The following SUMF1 variants were observed in gnomAD, a reference collection of about 807,000 sequenced individuals.
The protein encoded by SUMF1 is sulfatase modifying factor 1.
SUMF1 carries 48 observed loss-of-function variants against 47.6 expected under a neutral mutation model. The observed-to-expected ratio is 1.01, with a 90% CI of 0.80 to 1.28. The LOEUF is 1.28. SUMF1 is among the 50% of genes most tolerant of loss of function. The pLI is 0.00. For missense variants in SUMF1, 571 were observed against 485.4 expected, an observed-to-expected ratio of 1.18 and a Z score of -1.66; for synonymous variants, 230 against 192.1, an observed-to-expected ratio of 1.20 and a Z score of -1.63.
At chr3:4,320,286 A>G (rs113707771) in intron 8 of SUMF1, among the ~76,000 whole-genome samples, 1,662 of 152,330 alleles carry the variant, frequency 0.011, 20 homozygotes, top group African/African-American at 0.037. Flanking sequence ...GAAATTACTG[A>G]AGTTTGTAAG....
At chr3:4,204,422 C>A (rs1695607303) in intron 8 of SUMF1, among the ~76,000 whole-genome samples, 2 of 152,050 alleles carry the variant, frequency 1.3e-5, no homozygotes, top group Admixed American at 6.5e-5. Flanking sequence ...TATTCTTAAC[C>A]TTTGGGAGTT....
intron 8 of SUMF1, among the ~76,000 whole-genome samples, chr3:4,174,557 A>G (rs138679231): frequency 5.3e-5 from 1 of 18,784 alleles, no homozygotes; most frequent in Admixed American, 5.3e-4. Context: ...ACACACACAC[A>G]TGGGGGGCGT....
At chr3:4,310,776 A>G (rs369754817) in intron 8 of SUMF1, among the ~76,000 whole-genome samples, 19 of 149,670 alleles carry the variant, frequency 1.3e-4, no homozygotes, top group African/African-American at 4.6e-4. Flanking sequence ...TATCCATGTC[A>G]AAAAAAAAAC....
chr3:4,452,765 G>T, intron 2 of SUMF1, 111 bp downstream of exon 2: 2 of 1,280,402 alleles, frequency 1.6e-6, no homozygotes, highest in Non-Finnish European at 2.3e-6. Context: ...GCTTCACACA[G>T]TTCTGCCACA....
At position 4,103,965 on chromosome 3, in the gene SUMF1, C is replaced by T. The variant is rs920828820; in HGVS notation, c.1015-35220G>A. Among the ~76,000 whole-genome samples, 4 of 152,054 alleles carry T rather than the reference C, an allele frequency of 2.6e-5. No homozygotes were observed. In the East Asian group the frequency reaches 7.7e-4, roughly 29 times the overall value. On this transcript the variant is annotated intron_variant and NMD_transcript_variant, in intron 8 of 12. Coordinates refer to the SUMF1 transcript ENST00000448413. The stretch of plus-strand genomic sequence containing the variant: ...GACAGCAAAATTTTCTGTGGTTAAC[C>T]TAAGTTTTTGTCTTTACATCCTATA...
chr3:4,188,025 G>A (rs1446790556), intron 8 of SUMF1, among the ~76,000 whole-genome samples: 1 of 151,898 alleles, frequency 6.6e-6, no homozygotes, highest in East Asian at 1.9e-4. Context: ...AAATTAGAAG[G>A]ACAGTATGGA....
chr3:4,329,674 G>A (rs959246342), intron 8 of SUMF1, among the ~76,000 whole-genome samples: 1 of 152,188 alleles, frequency 6.6e-6, no homozygotes, highest in Non-Finnish European at 1.5e-5. Flanking sequence ...ATGCCCTGGA[G>A]ACATTTTCCC....
At position 4,421,488 on chromosome 3, in the gene SUMF1, G is replaced by C. The variant is rs12630132; in HGVS notation, c.520-1342C>G. Among the ~76,000 whole-genome samples, 727 of 152,174 alleles carry C rather than the reference G, an allele frequency of 4.8e-3. 10 individuals are homozygous for C. The highest frequency in any genetic ancestry group is 0.041 in the East Asian group (210 of 5,178). ...TAGCTAAAGAACAGATGTTGCAAAT[G>C]ATTCTTTTTGAGACAGGGTCTCACC... On this transcript the variant is annotated intron_variant, in intron 3 of 8. Coordinates refer to ENST00000272902, the MANE Select transcript of SUMF1 (RefSeq NM_182760.4).
chr3:4,093,921 T>C (rs1420819221), intron 8 of SUMF1, among the ~76,000 whole-genome samples: 1 of 152,126 alleles, frequency 6.6e-6, no homozygotes, highest in Non-Finnish European at 1.5e-5. Flanking sequence ...ATTAAAATTC[T>C]ATATTAGGTA....
At position 4,199,053 on chromosome 3, in the gene SUMF1, T is replaced by C. The variant is rs1346246995; in HGVS notation, c.1015-130308A>G. Among the ~76,000 whole-genome samples, 4 of 151,832 alleles carry C rather than the reference T, an allele frequency of 2.6e-5. No homozygotes were observed. In the East Asian group the frequency reaches 7.7e-4, roughly 29 times the overall value. ...GACCACTTGAAGTTTACAGATCAAATGAGTTTAGGTAAATGTATGCAGTTG... is the reference window on the plus strand; with the variant it reads ...GACCACTTGAAGTTTACAGATCAAACGAGTTTAGGTAAATGTATGCAGTTG... On this transcript the variant is annotated intron_variant and NMD_transcript_variant, in intron 8 of 12. Transcript: ENST00000448413.
intron 7 of SUMF1, among the ~76,000 whole-genome samples, chr3:4,389,334 T>G (rs1428472833): frequency 3.2e-5 from 3 of 93,064 alleles, no homozygotes; most frequent in African/African-American, 1.8e-4. Context: ...TTCAAATTGT[T>G]TTTTTTTTTT....
rs1700964704 is a variant in SUMF1 at position 4,394,114 on chromosome 3, T to C, written c.954+16751A>G. ...ATTTGATAATACCATTATAGTTTTG[T>C]TTTTATTATTATTTTTTTAAAAGAG... is the stretch of plus-strand genomic sequence containing the variant. On this transcript the variant is annotated intron_variant, in intron 7 of 8. Transcript: ENST00000272902. 3.3e-5 allele frequency among the ~76,000 whole-genome samples: 5 copies of C among 152,224 alleles called. No individual in the cohort carries two copies. The South Asian group carries it at 1.0e-3, about 32-fold the overall frequency.
intron 1 of SUMF1, among the ~76,000 whole-genome samples, chr3:4,465,724 C>T (rs140920983): frequency 7.2e-5 from 11 of 152,282 alleles, no homozygotes; most frequent in African/African-American, 2.6e-4. Context: ...ACACTCTACA[C>T]CTGAGAGACT....
intron 8 of SUMF1, among the ~76,000 whole-genome samples, chr3:4,344,169 G>A (rs979389412): frequency 3.9e-5 from 6 of 152,210 alleles, no homozygotes; most frequent in Non-Finnish European, 7.3e-5. Context: ...AAGGTATCCA[G>A]GTTCTCTCAT....
chr3:4,120,567 A>G (rs1363979532), intron 8 of SUMF1, among the ~76,000 whole-genome samples: 2 of 152,110 alleles, frequency 1.3e-5, no homozygotes, highest in Non-Finnish European at 2.9e-5. Flanking sequence ...TGGAGTCACA[A>G]TTACACCTAT....
chr3:4,329,689 G>A (rs1462166686), intron 8 of SUMF1, among the ~76,000 whole-genome samples: 5 of 152,178 alleles, frequency 3.3e-5, no homozygotes, highest in Non-Finnish European at 5.9e-5. Flanking sequence ...TTTCCCCATT[G>A]TCTTGGCAAT....
chr3:4,448,314 G>A (rs533732240), intron 3 of SUMF1, among the ~76,000 whole-genome samples: 6 of 152,210 alleles, frequency 3.9e-5, no homozygotes, highest in African/African-American at 9.6e-5. Flanking sequence ...TGCTGCTCAC[G>A]AGAGGACAGA....
intron 9 of SUMF1, among the ~76,000 whole-genome samples, chr3:4,066,513 A>G (rs901526195): frequency 3.9e-5 from 6 of 152,122 alleles, no homozygotes; most frequent in African/African-American, 7.2e-5. Flanking sequence ...CTTTCTCAGG[A>G]AATCGACCCT....
At chr3:4,302,989 G>C (rs1698009771) in intron 8 of SUMF1, among the ~76,000 whole-genome samples, 1 of 152,160 alleles carries the variant, frequency 6.6e-6, no homozygotes, top group Non-Finnish European at 1.5e-5. Context: ...CAGACCTTTA[G>C]AAACCTTGGT....
Sources: gnomAD v4.1 joint callset for allele counts (sites outside exome capture counted in the v4.1 genomes callset) on GRCh38, gnomAD v4.1.1 for gene constraint, MANE v1.5 for transcripts, NCBI Gene and HGNC (gene_info 2026-07-23, HGNC 2026-07-21) for gene names.